The following ADGRL2 variants were observed in gnomAD, a reference collection of about 807,000 sequenced individuals.
The protein encoded by ADGRL2 is adhesion G protein-coupled receptor L2.
ADGRL2 carries 44 observed loss-of-function variants against 157.4 expected under a neutral mutation model. The observed-to-expected ratio is 0.28, with a 90% confidence interval of 0.22 to 0.36. The LOEUF (loss-of-function observed/expected upper bound fraction) is 0.36. ADGRL2 is among the 10% of genes least tolerant of loss of function. The pLI is 1.00. For synonymous variants in ADGRL2, 585 were observed against 624.7 expected, an observed-to-expected ratio of 0.94 and a Z score of 0.95; for missense variants, 1,510 against 1,768.9, an observed-to-expected ratio of 0.85 and a Z score of 2.63.
chr1:81,905,974 G>GTGTGTGTC (rs2094577341), intron 2 of ADGRL2, among the ~76,000 whole-genome samples: 1 of 150,962 alleles, frequency 6.6e-6, no homozygotes. Context: ...GTGTGTGTGT[G>GTGTGTGTC]TGTGTGTGTG....
intron 2 of ADGRL2, among the ~76,000 whole-genome samples, chr1:81,461,259 C>T (rs1003833165): frequency 1.3e-5 from 2 of 151,934 alleles, no homozygotes; most frequent in Non-Finnish European, 2.9e-5. Context: ...GCAGTAAAAG[C>T]TTTCTTTTTT....
chr1:81,802,209 G>C (rs1405170395), intron 1 of ADGRL2, among the ~76,000 whole-genome samples: 1 of 151,980 alleles, frequency 6.6e-6, no homozygotes, highest in Non-Finnish European at 1.5e-5. Flanking sequence ...GCCCTCCCTC[G>C]GGGCGCGCTC....
chr1:81,633,051 G>C (rs754923354), intron 3 of ADGRL2, among the ~76,000 whole-genome samples: 6 of 152,168 alleles, frequency 3.9e-5, no homozygotes, highest in Non-Finnish European at 8.8e-5. Context: ...AGGTTTATCA[G>C]ACCAGATGGT....
chr1:81,510,165 G>T (rs1445737566), intron 2 of ADGRL2, among the ~76,000 whole-genome samples: 3 of 152,160 alleles, frequency 2.0e-5, no homozygotes, highest in Non-Finnish European at 2.9e-5. Context: ...AACTAAATTA[G>T]ACTGAACTAA....
At chr1:81,325,938 C>T (rs947925805) in intron 1 of ADGRL2, among the ~76,000 whole-genome samples, 1 of 149,052 alleles carries the variant, frequency 6.7e-6, no homozygotes, top group Non-Finnish European at 1.5e-5. Context: ...TCTCACTAAG[C>T]ATTCATACCA....
intron 1 of ADGRL2, among the ~76,000 whole-genome samples, chr1:81,396,949 G>A (rs2076665358): frequency 6.6e-6 from 1 of 152,104 alleles, no homozygotes; most frequent in African/African-American, 2.4e-5. Flanking sequence ...TGATTGTTGT[G>A]TTCTTGTCTG....
At chr1:81,903,233 CTTTATA>C (rs1056158288) in intron 2 of ADGRL2, among the ~76,000 whole-genome samples, 3 of 152,124 alleles carry the variant, frequency 2.0e-5, no homozygotes, top group Admixed American at 2.0e-4. Context: ...CATTTGCTGT[CTTTATA>C]TTTATGGTAC....
chr1:81,749,714 A>C (rs1470905334), intron 1 of ADGRL2, among the ~76,000 whole-genome samples: 1 of 152,226 alleles, frequency 6.6e-6, no homozygotes, highest in Non-Finnish European at 1.5e-5. Flanking sequence ...TGTAGTTAGC[A>C]CAGCAATATT....
intron 3 of ADGRL2, among the ~76,000 whole-genome samples, chr1:81,678,380 C>G (rs766661189): frequency 6.6e-6 from 1 of 152,114 alleles, no homozygotes; most frequent in Non-Finnish European, 1.5e-5. Flanking sequence ...CCTCTGTCTA[C>G]GCAGGCAAGC....
At chr1:81,590,003 G>A (rs770076547) in intron 3 of ADGRL2, among the ~76,000 whole-genome samples, 2 of 152,140 alleles carry the variant, frequency 1.3e-5, no homozygotes, top group East Asian at 3.9e-4. Context: ...GCCCATGGTG[G>A]TGCTGTCAGC....
intron 2 of ADGRL2, among the ~76,000 whole-genome samples, chr1:81,523,125 A>G (rs904122334): frequency 6.6e-6 from 1 of 152,192 alleles, no homozygotes; most frequent in African/African-American, 2.4e-5. Context: ...AGAACAAAAA[A>G]CACTTGCATA....
At chr1:81,357,533 T>A (rs1168843968) in intron 1 of ADGRL2, among the ~76,000 whole-genome samples, 1 of 152,160 alleles carries the variant, frequency 6.6e-6, no homozygotes, top group Non-Finnish European at 1.5e-5. Flanking sequence ...TTTTTTGTAG[T>A]GTGATATCAT....
At chr1:81,477,940 G>A (rs183223082) in intron 2 of ADGRL2, among the ~76,000 whole-genome samples, 5 of 152,308 alleles carry the variant, frequency 3.3e-5, no homozygotes, top group Admixed American at 2.6e-4. Context: ...GCTCAGGAAG[G>A]AAGAGGGGAG....
At chr1:81,670,206 TG>T (rs2082845284) in intron 3 of ADGRL2, among the ~76,000 whole-genome samples, 2 of 152,214 alleles carry the variant, frequency 1.3e-5, no homozygotes, top group Admixed American at 6.5e-5. Context: ...GATGACTGAT[TG>T]TAGTTCAGCT....
chr1:81,655,386 T>C (rs997111912), intron 3 of ADGRL2, among the ~76,000 whole-genome samples: 1 of 152,158 alleles, frequency 6.6e-6, no homozygotes, highest in Non-Finnish European at 1.5e-5. Context: ...CAATTGCCCC[T>C]GTTCACACAA....
At chr1:81,981,574 T>C (rs779640992) in intron 18 of ADGRL2, among the ~76,000 whole-genome samples, 9 of 151,982 alleles carry the variant, frequency 5.9e-5, no homozygotes, top group Admixed American at 2.0e-4. Context: ...TTTGATACTT[T>C]GTTTATTCTG....
At chr1:81,520,037 G>A (rs911895730) in intron 2 of ADGRL2, among the ~76,000 whole-genome samples, 1 of 151,272 alleles carries the variant, frequency 6.6e-6, no homozygotes, top group Non-Finnish European at 1.5e-5. Flanking sequence ...CTTTTTTCTT[G>A]CCTTTGAACA....
At chr1:81,731,001 T>C (rs2084704633) in intron 1 of ADGRL2, among the ~76,000 whole-genome samples, 1 of 152,198 alleles carries the variant, frequency 6.6e-6, no homozygotes, top group African/African-American at 2.4e-5. Context: ...AATATATTTC[T>C]CTGAGGTGCA....
chr1:81,858,136 G>C (rs1372948486), intron 2 of ADGRL2, among the ~76,000 whole-genome samples: 1 of 152,094 alleles, frequency 6.6e-6, no homozygotes, highest in African/African-American at 2.4e-5. Context: ...CTAACACTCT[G>C]AGGTATAAGC....
Sources: allele counts gnomAD v4.1 joint callset (sites outside exome capture counted in the v4.1 genomes callset), GRCh38; gene constraint gnomAD v4.1.1; transcripts MANE v1.5; gene names NCBI Gene and HGNC (gene_info 2026-07-23, HGNC 2026-07-21).